The following KCNT2 variants were observed in gnomAD, a reference collection of about 807,000 sequenced individuals.
The protein encoded by KCNT2 is potassium sodium-activated channel subfamily T member 2.
Under a neutral mutation model 153.8 loss-of-function variants are expected in KCNT2, and 67 were observed. That is an observed-to-expected ratio of 0.44 (90% CI 0.36 to 0.53). The LOEUF (loss-of-function observed/expected upper bound fraction) is 0.53. KCNT2 is among the 20% of genes least tolerant of loss of function. KCNT2 has a pLI of 0.00. For missense variants in KCNT2, 975 were observed against 1,354.8 expected (o/e 0.72, Z 4.40); for synonymous variants, 500 against 458.8 (o/e 1.09, Z -1.15).
chr1:196,418,246 C>T (rs944776057), intron 12 of KCNT2, among the ~76,000 whole-genome samples: 3 of 151,874 alleles, frequency 2.0e-5, no homozygotes, highest in African/African-American at 7.3e-5. Context: ...GAGGCCAAGG[C>T]GGGCAGATCA....
intron 14 of KCNT2, among the ~76,000 whole-genome samples, chr1:196,354,615 T>C (rs966670604): frequency 2.0e-5 from 3 of 151,712 alleles, no homozygotes; most frequent in African/African-American, 7.2e-5. Flanking sequence ...TGTACTTAAA[T>C]AAGATTAATG....
chr1:196,608,287 A>G lies in KCNT2; in HGVS notation c.23T>C (p.Val8Ala). 4 of 1,614,140 alleles carry G rather than the reference A, an allele frequency of 2.5e-6. No homozygotes were observed. Among genetic ancestry groups the G allele is most frequent in the Non-Finnish European group, 3.4e-6 (4 of 1,179,980 alleles). The change falls in exon 1 of 28, where the codon GTG (valine) becomes GCG (alanine). Residue 8 changes from valine (V) to alanine (A), a missense_variant. Around this residue, in one of 6 missense-constraint regions of KCNT2, gnomAD observed 140 missense variants for 216.0 expected, o/e 0.65. Transcript: ENST00000294725. Reference protein sequence around the residue: MVDLESEVPPLPPRYRFR... With the variant: MVDLESEAPPLPPRYRFR... ...CCTGTACCTGGGAGGCAGAGGGGGC[A>G]CTTCGCTCTCCAAATCAACCATCCT... is the stretch of plus-strand genomic sequence containing the variant.
chr1:196,312,503 A>G (rs1662287799), intron 21 of KCNT2, among the ~76,000 whole-genome samples: 1 of 151,826 alleles, frequency 6.6e-6, no homozygotes, highest in Non-Finnish European at 1.5e-5. Context: ...TAGGACTCTC[A>G]TGATGTCTGT....
intron 14 of KCNT2, among the ~76,000 whole-genome samples, chr1:196,361,574 T>G (rs1667626287): frequency 6.6e-6 from 1 of 152,048 alleles, no homozygotes; most frequent in Admixed American, 6.6e-5. Flanking sequence ...GTAGCTACAC[T>G]GTCTACCTGA....
chr1:196,273,611 C>T (rs1658280528), intron 25 of KCNT2: 2 of 602,782 alleles, frequency 3.3e-6, no homozygotes, highest in Non-Finnish European at 5.8e-6. Flanking sequence ...TAACAAAATC[C>T]AATTGCATGC....
chr1:196,295,147 T>TAC (rs1660563762), intron 22 of KCNT2, among the ~76,000 whole-genome samples: 1 of 151,530 alleles, frequency 6.6e-6, no homozygotes. Context: ...TGTGTATATA[T>TAC]GTATATATGT....
chr1:196,554,336 C>T (rs1454699862), intron 1 of KCNT2, among the ~76,000 whole-genome samples: 3 of 151,000 alleles, frequency 2.0e-5, no homozygotes, highest in African/African-American at 4.8e-5. Context: ...ACAACTGATA[C>T]CACAGAAATT....
At chr1:196,350,466 A>G (rs1416781860) in intron 14 of KCNT2, among the ~76,000 whole-genome samples, 1 of 152,152 alleles carries the variant, frequency 6.6e-6, no homozygotes, top group Non-Finnish European at 1.5e-5. Flanking sequence ...AGTGATGATG[A>G]GCATTTTTTC....
chr1:196,324,582 T>TAA (rs1663657742), intron 19 of KCNT2, among the ~76,000 whole-genome samples: 1 of 152,046 alleles, frequency 6.6e-6, no homozygotes, highest in Non-Finnish European at 1.5e-5. Flanking sequence ...CTTGTGCAAC[T>TAA]AAAATGTAAA....
intron 1 of KCNT2, among the ~76,000 whole-genome samples, chr1:196,517,568 G>C (rs1174047178): frequency 6.6e-6 from 1 of 152,132 alleles, no homozygotes; most frequent in Non-Finnish European, 1.5e-5. Context: ...CAGTGTAAGA[G>C]AGAACCTAAC....
intron 1 of KCNT2, among the ~76,000 whole-genome samples, chr1:196,588,826 T>C (rs1486491257): frequency 6.6e-6 from 1 of 151,986 alleles, no homozygotes; most frequent in Non-Finnish European, 1.5e-5. Flanking sequence ...GGGTATGATA[T>C]GGAAGTATGC....
At position 196,428,223 on chromosome 1, in the gene KCNT2, C is replaced by T. The variant is rs867071033; in HGVS notation, c.866G>A (p.Gly289Glu). The T allele has an allele frequency of 6.2e-7, 1 of 1,612,768 alleles. No individual in the cohort carries two copies. Reference sequence around the variant, plus strand: ...TTGAGCTCTATGTCGACTATAGTTTCCTCCTGACTTTTGTCTCTCCATCCA... The same window carrying T: ...TTGAGCTCTATGTCGACTATAGTTTTCTCCTGACTTTTGTCTCTCCATCCA... ...YLWMERQKSG[G>E]NYSRHRAQTE... is the part of the protein sequence containing the mutation. The change falls in exon 10 of 28, where the codon GGA becomes GAA. Residue 289 changes from glycine to glutamate, a missense_variant. Gly to Glu is a moderately conservative substitution (Grantham distance 98, BLOSUM62 -2). Coordinates refer to ENST00000294725, the MANE Select transcript of KCNT2 (RefSeq NM_198503.5).
intron 3 of KCNT2, among the ~76,000 whole-genome samples, chr1:196,489,592 C>T (rs1394054921): frequency 6.6e-6 from 1 of 151,808 alleles, no homozygotes; most frequent in East Asian, 1.9e-4. Context: ...TGCACTTTGG[C>T]TAGCAATAAA....
intron 17 of KCNT2, among the ~76,000 whole-genome samples, chr1:196,331,592 A>G (rs2148104701): frequency 6.6e-6 from 1 of 152,214 alleles, no homozygotes; most frequent in Admixed American, 6.5e-5. Flanking sequence ...ACACTCATTC[A>G]TGTATGTATT....
chr1:196,349,734 T>A (rs1355738711), intron 14 of KCNT2, among the ~76,000 whole-genome samples: 9 of 151,990 alleles, frequency 5.9e-5, no homozygotes, highest in Non-Finnish European at 1.2e-4. Flanking sequence ...TACTTTAAGT[T>A]TTAGGGTACA....
intron 1 of KCNT2, among the ~76,000 whole-genome samples, chr1:196,548,971 C>G (rs924744287): frequency 2.2e-5 from 3 of 138,414 alleles, no homozygotes; most frequent in African/African-American, 8.3e-5. Context: ...CACATGGACA[C>G]AGGAAGGGGA....
chr1:196,271,023 AACACACACACAACC>A (rs1236664496), intron 25 of KCNT2, among the ~76,000 whole-genome samples: 2 of 151,704 alleles, frequency 1.3e-5, no homozygotes, highest in Middle Eastern at 3.4e-3. Context: ...AAAGATTTTA[AACACACACACAACC>A]ACACACACAC....
At chr1:196,437,498 T>C (rs1674831060) in intron 8 of KCNT2, among the ~76,000 whole-genome samples, 1 of 148,112 alleles carries the variant, frequency 6.8e-6, no homozygotes, top group South Asian at 2.1e-4. Context: ...GCCTAAACAT[T>C]TTAAATTAAA....
chr1:196,349,082 G>A (rs1276170816), intron 14 of KCNT2, among the ~76,000 whole-genome samples: 1 of 151,986 alleles, frequency 6.6e-6, no homozygotes, highest in Admixed American at 6.6e-5. Flanking sequence ...GAGACATCTT[G>A]GAAGGAAAAG....
Sources: allele counts gnomAD v4.1 joint callset (sites outside exome capture counted in the v4.1 genomes callset), GRCh38; gene constraint gnomAD v4.1.1; regional missense constraint gnomAD v4.1.1; transcripts MANE v1.5; gene names NCBI Gene and HGNC (gene_info 2026-07-23, HGNC 2026-07-21).